CSMD1: variants seen among roughly 807,000 people sequenced by gnomAD.
The protein encoded by CSMD1 is CUB and sushi domain-containing protein 1.
In CSMD1, 213 loss-of-function variants were observed where a neutral mutation model predicts 417.5. That is an observed-to-expected ratio of 0.51 (90% CI 0.46 to 0.57). The LOEUF is 0.57. CSMD1 is among the 20% of genes least tolerant of loss of function. The probability of loss-of-function intolerance (pLI) is 0.00; values close to 1 mark genes in which losing one functional copy is unlikely to be tolerated. For missense variants in CSMD1, 6,923 were observed against 4,529.7 expected (o/e 1.53, Z -15.17); for synonymous variants, 2,862 against 1,736.8 (o/e 1.65, Z -16.11).
intron 49 of CSMD1, among the ~76,000 whole-genome samples, chr8:3,076,075 C>T (rs894259107): frequency 1.4e-5 from 2 of 146,992 alleles, no homozygotes; most frequent in Admixed American, 6.7e-5. Context: ...AAAAAAAAGA[C>T]GTTGTCACTG....
At chr8:4,857,566 A>C (rs1037565616) in intron 1 of CSMD1, among the ~76,000 whole-genome samples, 5 of 152,236 alleles carry the variant, frequency 3.3e-5, no homozygotes, top group African/African-American at 1.2e-4. Flanking sequence ...ACGCAGTAAT[A>C]AATGATAAAG....
chr8:4,928,141 C>T (rs555737764), intron 1 of CSMD1, among the ~76,000 whole-genome samples: 19 of 152,266 alleles, frequency 1.2e-4, no homozygotes, highest in African/African-American at 3.4e-4. Flanking sequence ...CCTCTGCCCA[C>T]GTGGGACGCA....
intron 5 of CSMD1, among the ~76,000 whole-genome samples, chr8:3,948,364 G>C (rs1214113977): frequency 1.3e-5 from 2 of 152,116 alleles, no homozygotes; most frequent in African/African-American, 4.8e-5. Flanking sequence ...TGACTGAAGA[G>C]CACTTTGGAA....
intron 41 of CSMD1, among the ~76,000 whole-genome samples, chr8:3,139,284 G>C (rs1001613302): frequency 2.0e-5 from 3 of 152,184 alleles, no homozygotes; most frequent in African/African-American, 7.2e-5. Context: ...GCATAGGATG[G>C]AAATATAGGA....
At chr8:4,157,042 C>T (rs1396348574) in intron 3 of CSMD1, among the ~76,000 whole-genome samples, 1 of 152,032 alleles carries the variant, frequency 6.6e-6, no homozygotes, top group Non-Finnish European at 1.5e-5. Context: ...GTTATGCACA[C>T]AAGGAGCCTG....
At chr8:3,209,890 G>T (rs1797505379) in intron 30 of CSMD1, among the ~76,000 whole-genome samples, 1 of 152,042 alleles carries the variant, frequency 6.6e-6, no homozygotes, top group Non-Finnish European at 1.5e-5. Flanking sequence ...CAACCACATA[G>T]AACCAAATTG....
chr8:3,857,591 C>G (rs1049706322), intron 5 of CSMD1, among the ~76,000 whole-genome samples: 2 of 151,944 alleles, frequency 1.3e-5, no homozygotes, highest in Non-Finnish European at 2.9e-5. Flanking sequence ...GCTGTGTAGA[C>G]GTGAGGTTTG....
intron 1 of CSMD1, among the ~76,000 whole-genome samples, chr8:4,784,729 G>C (rs1198750713): frequency 1.3e-5 from 2 of 152,156 alleles, no homozygotes; most frequent in Non-Finnish European, 2.9e-5. Flanking sequence ...ATGTTAATAA[G>C]AGATTTAAAT....
chr8:4,233,676 G>A lies in CSMD1; in HGVS notation c.415+186277C>T, dbSNP rs4588875. 2.8e-3 allele frequency among the ~76,000 whole-genome samples: 425 copies of A among 152,228 alleles called. 1 individual carries two copies. Among genetic ancestry groups the A allele is most frequent in the African/African-American group, 9.9e-3 (410 of 41,542 alleles). ...AGAAGCAAATTTCTGTGCTTTATAA[G>A]CTATCCAATGTATGGAATTTTGGTA... On this transcript the variant is annotated intron_variant, in intron 3 of 69. Coordinates refer to ENST00000635120, the MANE Select transcript of CSMD1 (RefSeq NM_033225.6).
intron 3 of CSMD1, among the ~76,000 whole-genome samples, chr8:4,035,651 C>G (rs767557918): frequency 1.3e-5 from 2 of 152,086 alleles, no homozygotes; most frequent in Non-Finnish European, 2.9e-5. Context: ...TAGACAAACT[C>G]TTATGAATAA....
At chr8:3,000,321 G>A (rs1472610301) in intron 52 of CSMD1, among the ~76,000 whole-genome samples, 190 bp from the exon 53 acceptor site, 2 of 147,948 alleles carry the variant, frequency 1.4e-5, no homozygotes, top group Non-Finnish European at 3.0e-5. Context: ...CAGAAATCCT[G>A]GAAAAAATAA....
rs1812456380 is a variant in CSMD1, at chr8:3,407,976, C to A, written c.1994G>T (p.Ser665Ile). The A allele has an allele frequency of 1.9e-6, 3 of 1,613,852 alleles. No individual in the cohort carries two copies. The East Asian group carries it at 6.7e-5, about 36-fold the overall frequency. The change falls in exon 14 of 70, where the codon AGC becomes ATC. Residue 665 changes from serine to isoleucine, a missense_variant. Transcript: ENST00000635120. ...TTCCAAGCGAACTATATGCCCACTGCTGGCCAGCTGGGAAGGCACTTCATT... is the reference window on the plus strand; with the variant it reads ...TTCCAAGCGAACTATATGCCCACTGATGGCCAGCTGGGAAGGCACTTCATT... ...SGNEVPSQLA[S>I]SGHIVRLEFQ...
intron 3 of CSMD1, among the ~76,000 whole-genome samples, chr8:4,071,111 G>C (rs997324175): frequency 7.2e-5 from 11 of 151,962 alleles, no homozygotes; most frequent in African/African-American, 1.4e-4. Context: ...AGAGACTCTT[G>C]AGTCTTTTTT....
chr8:3,032,379 G>T (rs1810398397), intron 50 of CSMD1, among the ~76,000 whole-genome samples: 1 of 151,932 alleles, frequency 6.6e-6, no homozygotes, highest in South Asian at 2.1e-4. Flanking sequence ...TACAGTCTTT[G>T]TCAGTTGTGT....
intron 2 of CSMD1, among the ~76,000 whole-genome samples, chr8:4,461,276 G>C (rs187065808): frequency 9.9e-5 from 15 of 152,078 alleles, no homozygotes; most frequent in African/African-American, 3.6e-4. Flanking sequence ...AGTTAACATT[G>C]TATTTAATGA....
At chr8:3,360,711 C>G (rs983398796) in intron 20 of CSMD1, among the ~76,000 whole-genome samples, 12 of 152,148 alleles carry the variant, frequency 7.9e-5, no homozygotes, top group Non-Finnish European at 1.5e-4. Context: ...CTATGCTAAT[C>G]TTTCTAAAAA....
At position 4,447,911 on chromosome 8, in the gene CSMD1, C is replaced by CAT. The variant is rs201884807; in HGVS notation, c.303-27847_303-27846insAT. ...TTTTATTGTTCGATTACTCATCTTT[C>CAT]GGAAATGACGACAATTACCACACTC... On this transcript the variant is annotated intron_variant, in intron 2 of 69. Transcript: ENST00000635120. Among the ~76,000 whole-genome samples, 744 of 152,278 alleles carry CAT rather than the reference C, an allele frequency of 4.9e-3. 7 individuals are homozygous for CAT. The highest frequency in any genetic ancestry group is 0.017 in the African/African-American group (705 of 41,542).
At chr8:3,719,067 G>A (rs533044893) in intron 6 of CSMD1, among the ~76,000 whole-genome samples, 3 of 152,274 alleles carry the variant, frequency 2.0e-5, no homozygotes, top group South Asian at 4.1e-4. Flanking sequence ...AAACCCTCCT[G>A]AGGTGGAAAA....
At chr8:3,081,272 C>T (rs535640688) in intron 49 of CSMD1, among the ~76,000 whole-genome samples, 19 of 152,164 alleles carry the variant, frequency 1.2e-4, no homozygotes, top group Admixed American at 7.8e-4. Context: ...AGGAGAAGAA[C>T]GAATGTCCTT....
Sources: allele counts gnomAD v4.1 joint callset (sites outside exome capture counted in the v4.1 genomes callset), GRCh38; gene constraint gnomAD v4.1.1; transcripts MANE v1.5; gene names NCBI Gene and HGNC (gene_info 2026-07-23, HGNC 2026-07-21).